The following CDH12 variants were observed in gnomAD, a reference collection of about 807,000 sequenced individuals.
CDH12 encodes the protein cadherin-12.
Under a neutral mutation model 74.1 loss-of-function variants are expected in CDH12, and 41 were observed. The ratio of observed to expected loss-of-function variants is 0.55; its 90% confidence interval spans 0.43 to 0.72. The LOEUF is 0.72. Ranked by LOEUF, CDH12 falls within the 30% of genes least tolerant of loss-of-function variation. The pLI is 0.00. For missense variants in CDH12, 945 were observed against 977.2 expected (o/e 0.97, Z 0.44); for synonymous variants, 399 against 355.0 (o/e 1.12, Z -1.39).
At chr5:22,828,734 C>T (rs1736450480) in intron 1 of CDH12, among the ~76,000 whole-genome samples, 1 of 152,126 alleles carries the variant, frequency 6.6e-6, no homozygotes, top group South Asian at 2.1e-4. Flanking sequence ...AAATCAATGG[C>T]TTCTCCAAGT....
chr5:21,828,720 TC>T (rs1748822425), intron 8 of CDH12, among the ~76,000 whole-genome samples: 1 of 152,194 alleles, frequency 6.6e-6, no homozygotes, highest in Non-Finnish European at 1.5e-5. Context: ...ATTTTCTGTG[TC>T]ATCCCTGTTT....
chr5:22,026,522 G>C (rs1226250947), intron 5 of CDH12, among the ~76,000 whole-genome samples: 1 of 152,036 alleles, frequency 6.6e-6, no homozygotes, highest in African/African-American at 2.4e-5. Flanking sequence ...TCAATAAAAG[G>C]GTGGCACCCC....
At chr5:22,825,768 T>G (rs147663767) in intron 1 of CDH12, among the ~76,000 whole-genome samples, 1 of 152,252 alleles carries the variant, frequency 6.6e-6, no homozygotes, top group African/African-American at 2.4e-5. Flanking sequence ...TGTAGTGATA[T>G]GACCCAACTC....
intron 4 of CDH12, among the ~76,000 whole-genome samples, chr5:22,079,810 T>TA (rs979466953): frequency 3.5e-4 from 52 of 149,902 alleles, no homozygotes; most frequent in African/African-American, 1.2e-3. Flanking sequence ...ATGTGGTAGA[T>TA]AAAAAAACAG....
intron 5 of CDH12, among the ~76,000 whole-genome samples, chr5:22,005,837 G>C (rs968014526): frequency 6.6e-6 from 1 of 152,006 alleles, no homozygotes; most frequent in African/African-American, 2.4e-5. Flanking sequence ...TGTATACCTA[G>C]TCAACTTACT....
At chr5:22,191,854 G>C (rs909583380) in intron 4 of CDH12, among the ~76,000 whole-genome samples, 1 of 151,410 alleles carries the variant, frequency 6.6e-6, no homozygotes, top group Admixed American at 6.6e-5. Context: ...GTGAGCCACC[G>C]CGCCCGGCCC....
intron 4 of CDH12, among the ~76,000 whole-genome samples, chr5:22,083,411 C>T (rs984217559): frequency 2.6e-5 from 4 of 151,918 alleles, no homozygotes; most frequent in Admixed American, 1.3e-4. Flanking sequence ...GGAGTGGTGG[C>T]GTAAAGAGAA....
intron 6 of CDH12, among the ~76,000 whole-genome samples, chr5:21,927,252 G>T (rs547563781): frequency 2.0e-5 from 3 of 152,262 alleles, no homozygotes; most frequent in Non-Finnish European, 4.4e-5. Flanking sequence ...AGGAGGAATA[G>T]AAGATGGGTA....
Position 22,040,217 on chromosome 5 carries a change from G to A in CDH12, c.231+38229C>T, listed in dbSNP as rs373076157. Among the ~76,000 whole-genome samples, 7 of 151,914 alleles carry A rather than the reference G, an allele frequency of 4.6e-5. No homozygotes were observed. The East Asian group carries it at 1.4e-3, about 30-fold the overall frequency. On this transcript the variant is annotated intron_variant, in intron 5 of 14. Transcript: ENST00000382254. ...CAACAGCAGAACAGGTCAAGCAGAAGAAACAATCTCTGAACTTAAATATAG... is the reference window on the plus strand; with the variant it reads ...CAACAGCAGAACAGGTCAAGCAGAAAAAACAATCTCTGAACTTAAATATAG...
chr5:22,005,229 G>C (rs1184669353), intron 5 of CDH12, among the ~76,000 whole-genome samples: 3 of 152,078 alleles, frequency 2.0e-5, no homozygotes, highest in Non-Finnish European at 4.4e-5. Context: ...ATTTAGTAGA[G>C]TCAAGGTTTC....
At chr5:22,479,401 A>G (rs1236811725) in intron 2 of CDH12, among the ~76,000 whole-genome samples, 4 of 152,216 alleles carry the variant, frequency 2.6e-5, no homozygotes, top group Non-Finnish European at 5.9e-5. Flanking sequence ...ACACTAAAAG[A>G]AAAAGACACA....
intron 1 of CDH12, among the ~76,000 whole-genome samples, chr5:22,570,961 TTA>T (rs1349026890): frequency 2.0e-5 from 3 of 152,196 alleles, no homozygotes; most frequent in Non-Finnish European, 4.4e-5. Flanking sequence ...CTTTGCAGTT[TTA>T]TATTATAGAG....
chr5:22,014,771 T>A (rs2963573), intron 5 of CDH12, among the ~76,000 whole-genome samples: 1 of 152,150 alleles, frequency 6.6e-6, no homozygotes, highest in Non-Finnish European at 1.5e-5. Context: ...CCACTTAATT[T>A]AAAAAATTAC....
chr5:22,577,247 T>C (rs1345880115), intron 1 of CDH12, among the ~76,000 whole-genome samples: 1 of 152,184 alleles, frequency 6.6e-6, no homozygotes, highest in African/African-American at 2.4e-5. Flanking sequence ...ATGCAAAGTG[T>C]GTGGGAAGTT....
intron 4 of CDH12, among the ~76,000 whole-genome samples, chr5:22,171,820 T>A (rs1749047032): frequency 6.6e-6 from 1 of 151,926 alleles, no homozygotes; most frequent in Non-Finnish European, 1.5e-5. Context: ...TGGAAGTGTT[T>A]GGTTATATAT....
At chr5:22,122,173 T>C (rs1745554812) in intron 4 of CDH12, among the ~76,000 whole-genome samples, 1 of 152,116 alleles carries the variant, frequency 6.6e-6, no homozygotes, top group Non-Finnish European at 1.5e-5. Flanking sequence ...GAGGCCTAGG[T>C]GGGTGAATCA....
At chr5:22,601,279 GT>G (rs1736843120) in intron 1 of CDH12, among the ~76,000 whole-genome samples, 1 of 151,918 alleles carries the variant, frequency 6.6e-6, no homozygotes, top group South Asian at 2.1e-4. Context: ...TTGTCACCGG[GT>G]ATTAAGCCTA....
chr5:21,998,347 AAT>A (rs919539928), intron 5 of CDH12, among the ~76,000 whole-genome samples: 1 of 152,080 alleles, frequency 6.6e-6, no homozygotes, highest in African/African-American at 2.4e-5. Flanking sequence ...CAAAATTTTA[AAT>A]ATATATATAC....
At chr5:22,842,220 C>T (rs971034197) in intron 1 of CDH12, among the ~76,000 whole-genome samples, 7 of 151,952 alleles carry the variant, frequency 4.6e-5, no homozygotes, top group Non-Finnish European at 8.8e-5. Context: ...AATGCAAACA[C>T]GTTACCTGAA....
Sources: allele counts gnomAD v4.1 joint callset (sites outside exome capture counted in the v4.1 genomes callset), GRCh38; gene constraint gnomAD v4.1.1; transcripts MANE v1.5; gene names NCBI Gene and HGNC (gene_info 2026-07-23, HGNC 2026-07-21).